The following NGEF variants were observed in gnomAD, a reference collection of about 807,000 sequenced individuals.
NGEF encodes neuronal guanine nucleotide exchange factor.
A neutral mutation model predicts 80.9 loss-of-function variants in NGEF; 31 were observed. The observed-to-expected ratio is 0.38, with a 90% CI of 0.29 to 0.52. The LOEUF (loss-of-function observed/expected upper bound fraction) is 0.52, where lower values mean the gene tolerates loss of function less well. Ranked by LOEUF, NGEF falls within the 20% of genes least tolerant of loss-of-function variation. The pLI, the probability that NGEF is intolerant of heterozygous loss-of-function variation, is 0.84. For missense variants in NGEF, 709 were observed against 926.2 expected, an observed-to-expected ratio of 0.77 and a Z score of 3.04; for synonymous variants, 371 against 370.2, an observed-to-expected ratio of 1.00 and a Z score of -0.03.
At position 232,985,753 on chromosome 2, in the gene NGEF, TCAAAACAAAAACAAAAA is replaced by T. The variant is rs531307547; in HGVS notation, c.-74-10806_-74-10790del. ...AGGCGACAGAGACACTCTGTCCGTC[TCAAAACAAAAACAAAAA>T]CAAAACAAAAACCCAAAAATTAGCC... On this transcript the variant is annotated intron_variant, in intron 1 of 14. Transcript: ENST00000264051. Among the ~76,000 whole-genome samples the T allele has an allele frequency of 5.3e-5, 8 of 151,154 alleles. No individual in the cohort carries two copies. The South Asian group carries it at 1.7e-3, about 32-fold the overall frequency.
rs1267121405 is a variant in NGEF at position 232,879,581 on chromosome 2, G to A, written c.2041C>T (p.Leu681Phe). 6.2e-7 allele frequency: 1 copy of A among 1,613,802 alleles called. No homozygotes were observed. Among genetic ancestry groups the A allele is most frequent in the Non-Finnish European group, 8.5e-7 (1 of 1,180,026 alleles). ...ILNPKIRSQN[L>F]KECFRVHKMD... ...TTGTGGACACGGAAACATTCCTTGA[G>A]GTTCTGGGACCGGATCTTGGGATTC... Residue 681 changes from leucine to phenylalanine, a missense_variant, in exon 15 of 15, where the codon CTC (leucine) becomes TTC (phenylalanine). Leu to Phe is a conservative substitution (Grantham distance 22). Coordinates refer to ENST00000264051, the MANE Select transcript of NGEF (RefSeq NM_019850.3).
At chr2:232,916,848 G>T (rs751688520) in intron 5 of NGEF, among the ~76,000 whole-genome samples, 30 of 152,220 alleles carry the variant, frequency 2.0e-4, no homozygotes, top group Non-Finnish European at 3.7e-4. Context: ...GCTACAGCTG[G>T]TCTCAGACGC....
At chr2:232,887,726 A>C (rs1018137019) in intron 9 of NGEF, among the ~76,000 whole-genome samples, 5 of 152,194 alleles carry the variant, frequency 3.3e-5, no homozygotes, top group Admixed American at 1.3e-4. Context: ...GCAGAGCTCC[A>C]CACTGGTGAA....
chr2:232,883,938 CCT>C, intron 11 of NGEF, 41 bp downstream of exon 11: 1 of 1,562,082 alleles, frequency 6.4e-7, no homozygotes, highest in Non-Finnish European at 8.7e-7. Context: ...CCAACACACT[CCT>C]CTACCCACCG....
intron 3 of NGEF, among the ~76,000 whole-genome samples, chr2:232,939,945 C>A (rs1046181871): frequency 6.6e-6 from 1 of 151,578 alleles, no homozygotes; most frequent in Admixed American, 6.6e-5. Context: ...TGCAGTGAGC[C>A]GAGATCATGT....
chr2:233,005,543 T>G (rs1695067162), intron 1 of NGEF, among the ~76,000 whole-genome samples: 1 of 151,486 alleles, frequency 6.6e-6, no homozygotes, highest in African/African-American at 2.4e-5. Context: ...ATTACTCAGG[T>G]GGATGCAGTA....
intron 5 of NGEF, among the ~76,000 whole-genome samples, chr2:232,896,737 A>G (rs1490236267): frequency 3.7e-5 from 1 of 26,904 alleles, no homozygotes; most frequent in East Asian, 1.5e-3. Context: ...AGTAGGGGTG[A>G]GGGTGAAGGT....
At chr2:232,992,323 C>T (rs933621625) in intron 1 of NGEF, among the ~76,000 whole-genome samples, 5 of 151,384 alleles carry the variant, frequency 3.3e-5, no homozygotes, top group Admixed American at 6.6e-5. Flanking sequence ...TTTGGGGGGC[C>T]GAGGCTGATG....
chr2:232,902,684 A>G (rs1692389776), intron 5 of NGEF, among the ~76,000 whole-genome samples: 1 of 152,246 alleles, frequency 6.6e-6, no homozygotes, highest in Admixed American at 6.5e-5. Flanking sequence ...AGCCTGCCTC[A>G]TGGCAAGAGA....
At chr2:232,887,611 A>G (rs13035517) in intron 9 of NGEF, among the ~76,000 whole-genome samples, 29,922 of 152,142 alleles carry the variant, frequency 0.2, 3,150 homozygotes, top group Non-Finnish European at 0.22. Context: ...TGTTTCTGAC[A>G]TGGAAAAACA....
intron 5 of NGEF, among the ~76,000 whole-genome samples, chr2:232,902,503 G>A (rs1030996194): frequency 3.3e-5 from 5 of 152,178 alleles, no homozygotes; most frequent in African/African-American, 1.2e-4. Context: ...ACGCAGCCAT[G>A]GGATGCAGGC....
chr2:232,943,430 C>T (rs1464036777), intron 3 of NGEF, among the ~76,000 whole-genome samples: 2 of 151,998 alleles, frequency 1.3e-5, no homozygotes, highest in African/African-American at 2.4e-5. Flanking sequence ...AAACCCAGGG[C>T]CTCAGTTTCC....
At chr2:232,961,325 A>G (rs11689973) in intron 3 of NGEF, among the ~76,000 whole-genome samples, 61,105 of 151,834 alleles carry the variant, frequency 0.4, 13,090 homozygotes, top group East Asian at 0.73. Context: ...ACTACACTAT[A>G]TATGTTTGGG....
chr2:232,992,418 C>T (rs999325381), intron 1 of NGEF, among the ~76,000 whole-genome samples: 6 of 151,988 alleles, frequency 3.9e-5, no homozygotes, highest in Admixed American at 3.9e-4. Context: ...ATTAGCTAAG[C>T]GTGGTGGTGC....
At chr2:232,946,664 G>C (rs1038096686) in intron 3 of NGEF, among the ~76,000 whole-genome samples, 1 of 152,166 alleles carries the variant, frequency 6.6e-6, no homozygotes, top group Non-Finnish European at 1.5e-5. Context: ...AATGGAGCTA[G>C]GGCTCCTTGG....
At chr2:233,001,537 T>G (rs1694978187) in intron 1 of NGEF, among the ~76,000 whole-genome samples, 1 of 148,554 alleles carries the variant, frequency 6.7e-6, no homozygotes, top group African/African-American at 2.5e-5. Flanking sequence ...GAGAGGAGAG[T>G]GGGAATAGCC....
intron 1 of NGEF, among the ~76,000 whole-genome samples, chr2:232,990,376 A>G (rs1055545526): frequency 6.6e-6 from 1 of 152,154 alleles, no homozygotes; most frequent in African/African-American, 2.4e-5. Flanking sequence ...AAGCTTGCAT[A>G]TTTAGAGAAG....
chr2:232,943,564 C>T (rs1459721530), intron 3 of NGEF, among the ~76,000 whole-genome samples: 9 of 147,916 alleles, frequency 6.1e-5, no homozygotes, highest in African/African-American at 1.2e-4. Context: ...GGCGCGATCT[C>T]GGCTCACTGC....
At chr2:232,949,602 C>T (rs1250458392) in intron 3 of NGEF, among the ~76,000 whole-genome samples, 1 of 151,704 alleles carries the variant, frequency 6.6e-6, no homozygotes, top group Non-Finnish European at 1.5e-5. Context: ...CTCAGCCTCC[C>T]TAGTAGCTGG....
Sources: allele counts gnomAD v4.1 joint callset (sites outside exome capture counted in the v4.1 genomes callset), GRCh38; gene constraint gnomAD v4.1.1; transcripts MANE v1.5; gene names NCBI Gene and HGNC (gene_info 2026-07-23, HGNC 2026-07-21).